The following DGKI variants were observed in gnomAD, a reference collection of about 807,000 sequenced individuals.
DGKI encodes the protein DAG kinase iota.
In DGKI, 55 loss-of-function variants were observed where a neutral mutation model predicts 147.5. The ratio of observed to expected loss-of-function variants is 0.37; its 90% CI spans 0.30 to 0.47. The LOEUF (loss-of-function observed/expected upper bound fraction) is 0.47, where lower values mean the gene tolerates loss of function less well. Among genes scored for constraint, DGKI ranks in the 20% least tolerant of loss-of-function variants. DGKI has a pLI of 1.00. For synonymous variants in DGKI, 469 were observed against 477.1 expected, an observed-to-expected ratio of 0.98 and a Z score of 0.22; for missense variants, 1,007 against 1,323.8, an observed-to-expected ratio of 0.76 and a Z score of 3.71.
At chr7:137,731,077 G>C (rs559572171) in intron 1 of DGKI, among the ~76,000 whole-genome samples, 1 of 152,088 alleles carries the variant, frequency 6.6e-6, no homozygotes, top group African/African-American at 2.4e-5. Flanking sequence ...TACTTGTCAA[G>C]CAATTCCCTA....
chr7:137,560,721 T>C (rs1818392171), intron 19 of DGKI, among the ~76,000 whole-genome samples: 1 of 152,130 alleles, frequency 6.6e-6, no homozygotes, highest in Admixed American at 6.5e-5. Context: ...GAGAGGACAA[T>C]GCAAGAATAG....
chr7:137,420,292 C>A (rs751440459), intron 28 of DGKI, among the ~76,000 whole-genome samples: 2 of 152,190 alleles, frequency 1.3e-5, no homozygotes, highest in Non-Finnish European at 2.9e-5. Flanking sequence ...TGCGCATATA[C>A]AAGGAGAGAG....
At chr7:137,768,478 G>T (rs1796082990) in intron 1 of DGKI, among the ~76,000 whole-genome samples, 1 of 152,150 alleles carries the variant, frequency 6.6e-6, no homozygotes, top group African/African-American at 2.4e-5. Context: ...GGGATGACAA[G>T]AGACGACTCT....
intron 27 of DGKI, among the ~76,000 whole-genome samples, chr7:137,450,367 C>T (rs1190423039): frequency 2.0e-5 from 3 of 152,140 alleles, no homozygotes; most frequent in Non-Finnish European, 4.4e-5. Context: ...ATATATTTCA[C>T]ATCATGTTGT....
At chr7:137,649,432 A>C (rs1821945362) in intron 5 of DGKI, among the ~76,000 whole-genome samples, 1 of 152,182 alleles carries the variant, frequency 6.6e-6, no homozygotes, top group African/African-American at 2.4e-5. Flanking sequence ...TAACACCATA[A>C]AACCTTTTTA....
chr7:137,579,436 T>TAAAAAAAAA (rs71533758), intron 15 of DGKI, among the ~76,000 whole-genome samples: 29 of 108,126 alleles, frequency 2.7e-4, no homozygotes, highest in African/African-American at 8.1e-4. Flanking sequence ...ACAGAAACAG[T>TAAAAAAAAA]AAAAAAAAAA....
At chr7:137,453,610 A>C (rs1814064273) in intron 27 of DGKI, among the ~76,000 whole-genome samples, 1 of 152,200 alleles carries the variant, frequency 6.6e-6, no homozygotes, top group Admixed American at 6.5e-5. Flanking sequence ...AGAGAAAGAC[A>C]AACACATTCT....
At chr7:137,401,067 A>T (rs1811739967) in intron 30 of DGKI, among the ~76,000 whole-genome samples, 1 of 152,176 alleles carries the variant, frequency 6.6e-6, no homozygotes, top group Non-Finnish European at 1.5e-5. Context: ...TCTTCTCCTT[A>T]TTTGAACCTG....
intron 8 of DGKI, among the ~76,000 whole-genome samples, chr7:137,615,434 C>T (rs1005961441): frequency 6.6e-6 from 1 of 151,898 alleles, no homozygotes; most frequent in African/African-American, 2.4e-5. Context: ...GTTAAATTAA[C>T]ATGAACTGAA....
chr7:137,629,389 G>A lies in DGKI; in HGVS notation c.805-5835C>T, dbSNP rs1299581541. Among the ~76,000 whole-genome samples the A allele has an allele frequency of 2.0e-5, 3 of 152,176 alleles. No individual in the cohort carries two copies. In the East Asian group the frequency reaches 5.8e-4, roughly 29 times the overall value. ...TTCTATGGGATAGCAATAACATAGT[G>A]ATTTGGTACACACTAGTGTCAAGAC... On this transcript the variant is annotated intron_variant, in intron 6 of 32. Coordinates refer to ENST00000614521, the MANE Select transcript of DGKI (RefSeq NM_001321708.2).
intron 1 of DGKI, among the ~76,000 whole-genome samples, chr7:137,819,204 C>A (rs920194610): frequency 6.6e-6 from 1 of 152,146 alleles, no homozygotes; most frequent in African/African-American, 2.4e-5. Flanking sequence ...CACATTTAAA[C>A]ACCTACTCAC....
chr7:137,534,196 T>C (rs1280150911), intron 20 of DGKI, among the ~76,000 whole-genome samples: 1 of 152,154 alleles, frequency 6.6e-6, no homozygotes, highest in Non-Finnish European at 1.5e-5. Context: ...TCTAGGTTTC[T>C]TTGTTGATAT....
At chr7:137,671,833 G>A (rs1011951240) in intron 3 of DGKI, among the ~76,000 whole-genome samples, 1 of 152,202 alleles carries the variant, frequency 6.6e-6, no homozygotes, top group Non-Finnish European at 1.5e-5. Flanking sequence ...GTCACAGGTA[G>A]GGTTAAGCCA....
intron 6 of DGKI, among the ~76,000 whole-genome samples, chr7:137,624,937 T>C (rs1820882714): frequency 6.6e-6 from 1 of 151,504 alleles, no homozygotes; most frequent in South Asian, 2.1e-4. Flanking sequence ...TAACACACCA[T>C]CCCAGTTCTC....
intron 21 of DGKI, among the ~76,000 whole-genome samples, chr7:137,513,323 T>C (rs1199870884): frequency 1.3e-5 from 2 of 152,126 alleles, no homozygotes; most frequent in Non-Finnish European, 2.9e-5. Flanking sequence ...TCTTACCACC[T>C]ACTCGAAGGC....
rs573587647 is a variant in DGKI at position 137,391,052 on chromosome 7, T to C, written c.*168A>G. The C allele has an allele frequency of 7.8e-6, 5 of 643,846 alleles. No homozygotes were observed. The highest frequency in any genetic ancestry group is 3.6e-5 in the African/African-American group (2 of 55,046). The allele number at this position is 643,846 out of a possible 1,614,324, so 39.9% of individuals were successfully genotyped here. ...CTTCTCAATGGGCTATCATGTTCTGTTGTACATCTTGGTAGCCCTTAAAAG... is the reference window on the plus strand; with the variant it reads ...CTTCTCAATGGGCTATCATGTTCTGCTGTACATCTTGGTAGCCCTTAAAAG... On this transcript the variant is annotated 3_prime_UTR_variant, in exon 33 of 33. Transcript: ENST00000614521.
intron 20 of DGKI, among the ~76,000 whole-genome samples, chr7:137,529,054 A>G (rs1817248308): frequency 6.6e-6 from 1 of 152,250 alleles, no homozygotes; most frequent in African/African-American, 2.4e-5. Context: ...GACTATAAGC[A>G]TCAAATGTCA....
chr7:137,471,063 C>T (rs1399879218), intron 23 of DGKI, among the ~76,000 whole-genome samples: 1 of 152,172 alleles, frequency 6.6e-6, no homozygotes, highest in Non-Finnish European at 1.5e-5. Flanking sequence ...AAAAATTAAA[C>T]ATTTTCTCTA....
At chr7:137,399,515 T>C (rs536992746) in intron 30 of DGKI, among the ~76,000 whole-genome samples, 1 of 152,192 alleles carries the variant, frequency 6.6e-6, no homozygotes, top group South Asian at 2.1e-4. Context: ...CAGCTCTATA[T>C]AGACTAGGTC....
Sources: allele counts gnomAD v4.1 joint callset (sites outside exome capture counted in the v4.1 genomes callset), GRCh38; gene constraint gnomAD v4.1.1; transcripts MANE v1.5; gene names NCBI Gene and HGNC (gene_info 2026-07-23, HGNC 2026-07-21).